The following MRAP2 variants were observed in gnomAD, a reference collection of about 807,000 sequenced individuals.
MRAP2 encodes the protein melanocortin 2 receptor accessory protein 2.
MRAP2 carries 20 observed loss-of-function variants against 17.4 expected under a neutral mutation model. The ratio of observed to expected loss-of-function variants is 1.15; its 90% CI spans 0.81 to 1.67. The LOEUF (loss-of-function observed/expected upper bound fraction) is 1.67, where lower values mean the gene tolerates loss of function less well. Among genes scored for constraint, MRAP2 ranks in the 40% most tolerant of loss-of-function variants. The pLI, the probability that MRAP2 is intolerant of heterozygous loss-of-function variation, is 0.00. For synonymous variants in MRAP2, 96 were observed against 88.4 expected, an observed-to-expected ratio of 1.09 and a Z score of -0.48; for missense variants, 238 against 240.0, an observed-to-expected ratio of 0.99 and a Z score of 0.05.
chr6:84,057,869 T>C (rs761536846), intron 2 of MRAP2, among the ~76,000 whole-genome samples: 5 of 152,060 alleles, frequency 3.3e-5, no homozygotes, highest in Non-Finnish European at 7.4e-5. Context: ...AAAGCCTTAC[T>C]GAGAAGGAGA....
chr6:84,124,713 C>A, the MRAP2 span: 3 of 278,822 alleles, frequency 1.1e-5, no homozygotes, highest in Admixed American at 5.5e-5. Context: ...AGCACATGTA[C>A]CCCCTGGATC....
At chr6:84,095,778 G>A (rs2099502571), downstream of MRAP2, among the ~76,000 whole-genome samples, 1 of 152,242 alleles carries the variant, frequency 6.6e-6, no homozygotes, top group Non-Finnish European at 1.5e-5. Context: ...CAGGCAGCCT[G>A]TGATCAGAGG....
At chr6:84,037,143 G>A (rs541515310) in intron 1 of MRAP2, among the ~76,000 whole-genome samples, 76 of 151,054 alleles carry the variant, frequency 5.0e-4, no homozygotes, top group Middle Eastern at 6.9e-3. Context: ...TGATTGTTGC[G>A]TTTACAAACC....
chr6:84,052,269 G>T (rs1181002637), intron 1 of MRAP2, among the ~76,000 whole-genome samples: 3 of 152,164 alleles, frequency 2.0e-5, no homozygotes, highest in Non-Finnish European at 4.4e-5. Flanking sequence ...TCAAGAGAGA[G>T]CAGCTGCCGG....
At chr6:84,055,547 A>AGAGTTCTGTAAAG in intron 2 of MRAP2, 102 bp downstream of exon 2, 1 of 1,224,798 alleles carries the variant, frequency 8.2e-7, no homozygotes, top group Non-Finnish European at 1.1e-6. Flanking sequence ...TTCTTTACAG[A>AGAGTTCTGTAAAG]ACTCTCTGTC....
chr6:84,107,703 G>T, the MRAP2 span, among the ~76,000 whole-genome samples: 2 of 152,190 alleles, frequency 1.3e-5, no homozygotes, highest in Admixed American at 1.3e-4. Flanking sequence ...CCTGATGTAG[G>T]ACAGTGAAGG....
chr6:84,049,754 G>A (rs2099489942), intron 1 of MRAP2, among the ~76,000 whole-genome samples: 3 of 152,168 alleles, frequency 2.0e-5, no homozygotes, highest in Non-Finnish European at 2.9e-5. Context: ...TTGGTTAGCT[G>A]TCTTGCTGCT....
Position 84,089,592 on chromosome 6 carries a change from A to G in MRAP2, c.*111A>G. The G allele has an allele frequency of 7.9e-7, 1 of 1,262,890 alleles. No individual in the cohort carries two copies. The highest frequency in any genetic ancestry group is 2.4e-5 in the East Asian group (1 of 42,384). 78.2% of individuals were successfully genotyped at this position (1,262,890 alleles called of 1,614,324 possible). The stretch of plus-strand genomic sequence containing the variant: ...GTTTGGGGGAGAGAGAGACATAGAG[A>G]TAGAGACAGAGAGGCAGAGAAGAGA... On this transcript the variant is annotated 3_prime_UTR_variant, in exon 4 of 4. Transcript: ENST00000257776.
rs189870223 is a variant in MRAP2, at chr6:84,069,036, C to T, written c.227+6044C>T. Among the ~76,000 whole-genome samples the T allele has an allele frequency of 3.5e-3, 534 of 152,094 alleles. 2 individuals carry two copies. Among genetic ancestry groups the T allele is most frequent in the African/African-American group, 0.011 (455 of 41,490 alleles). On this transcript the variant is annotated intron_variant, in intron 3 of 3. Coordinates refer to ENST00000257776, the MANE Select transcript of MRAP2 (RefSeq NM_138409.4). Reference sequence around the variant, plus strand: ...CTTTAGGGTTTGCTGATGATCATATCGTCAGCAAACAGTGACAGTGTGACT... The same window carrying T: ...CTTTAGGGTTTGCTGATGATCATATTGTCAGCAAACAGTGACAGTGTGACT...
At chr6:84,139,236 A>C in the MRAP2 span, among the ~76,000 whole-genome samples, 1 of 152,206 alleles carries the variant, frequency 6.6e-6, no homozygotes, top group Middle Eastern at 3.2e-3. Context: ...GCAGTACTCC[A>C]TGAGTTTCCT....
chr6:84,142,424 G>A, the MRAP2 span, among the ~76,000 whole-genome samples: 2 of 151,988 alleles, frequency 1.3e-5, no homozygotes, highest in South Asian at 2.1e-4. Context: ...GTGTATATAC[G>A]TATACATTTT....
the MRAP2 span, among the ~76,000 whole-genome samples, chr6:84,117,790 A>T: frequency 6.6e-6 from 1 of 151,948 alleles, no homozygotes; most frequent in Non-Finnish European, 1.5e-5. Flanking sequence ...TTTTTCCAGT[A>T]CCTGGAGGTA....
At chr6:84,077,014 T>TA (rs1357386611) in intron 3 of MRAP2, among the ~76,000 whole-genome samples, 11 of 152,194 alleles carry the variant, frequency 7.2e-5, no homozygotes, top group Admixed American at 3.9e-4. Context: ...AGCCCACAGA[T>TA]ATAGCTGTTC....
At chr6:84,051,569 G>A (rs1394563999) in intron 1 of MRAP2, among the ~76,000 whole-genome samples, 3 of 152,098 alleles carry the variant, frequency 2.0e-5, no homozygotes, top group African/African-American at 7.2e-5. Context: ...ATAAAAGAAG[G>A]AAAAGAGGCC....
the MRAP2 span, among the ~76,000 whole-genome samples, chr6:84,135,716 A>AGCCG: frequency 6.6e-6 from 1 of 152,134 alleles, no homozygotes; most frequent in Non-Finnish European, 1.5e-5. Context: ...CACAAAAATT[A>AGCCG]GCCGGGTGTG....
the MRAP2 span, among the ~76,000 whole-genome samples, chr6:84,103,394 T>A: frequency 1.3e-5 from 2 of 152,110 alleles, no homozygotes; most frequent in Non-Finnish European, 2.9e-5. Flanking sequence ...TGGACTGCTG[T>A]GAAGGCTCTG....
At chr6:84,105,101 G>A in the MRAP2 span, among the ~76,000 whole-genome samples, 2 of 152,040 alleles carry the variant, frequency 1.3e-5, no homozygotes, top group Non-Finnish European at 2.9e-5. Flanking sequence ...AAGTCTCTAG[G>A]GAGTCCCAAG....
chr6:84,130,162 T>C, the MRAP2 span, among the ~76,000 whole-genome samples: 1 of 152,246 alleles, frequency 6.6e-6, no homozygotes, highest in Non-Finnish European at 1.5e-5. Context: ...ATTATGTTTA[T>C]TGATTTGCGT....
the MRAP2 span, among the ~76,000 whole-genome samples, chr6:84,103,001 A>T: frequency 6.6e-6 from 1 of 152,248 alleles, no homozygotes; most frequent in African/African-American, 2.4e-5. Flanking sequence ...ATGAAAATGT[A>T]GACAGACAAA....
Sources: gnomAD v4.1 joint callset for allele counts (sites outside exome capture counted in the v4.1 genomes callset) on GRCh38, gnomAD v4.1.1 for gene constraint, MANE v1.5 for transcripts, NCBI Gene and HGNC (gene_info 2026-07-23, HGNC 2026-07-21) for gene names.